WNT10A: variants seen among roughly 807,000 people sequenced by gnomAD.
The protein encoded by WNT10A is Wnt family member 10A, also known as protein Wnt-10a.
In WNT10A, 37 loss-of-function variants were observed where a neutral mutation model predicts 36.1. The observed-to-expected ratio is 1.02, with a 90% CI of 0.79 to 1.35. The LOEUF is 1.35. WNT10A is among the 40% of genes most tolerant of loss of function. The pLI, the probability that WNT10A is intolerant of heterozygous loss-of-function variation, is 0.00. For synonymous variants in WNT10A, 255 were observed against 254.1 expected (o/e 1.00, Z -0.03); for missense variants, 613 against 601.4 (o/e 1.02, Z -0.20).
At chr2:218,877,631 A>G (rs1464875389), upstream of WNT10A, among the ~76,000 whole-genome samples, 1 of 152,184 alleles carries the variant, frequency 6.6e-6, no homozygotes, top group Non-Finnish European at 1.5e-5. The surrounding 1 kb of genome is among the most constrained non-coding windows in gnomAD (Gnocchi z 4.1). Context: ...GTGTGACCAC[A>G]TCAGGAACAG....
At chr2:218,882,616 C>T (rs1944532046) in intron 2 of WNT10A, among the ~76,000 whole-genome samples, 193 bp downstream of exon 2, 1 of 152,212 alleles carries the variant, frequency 6.6e-6, no homozygotes. Flanking sequence ...GCAAATGTGT[C>T]TCCAGACTGG....
chr2:218,889,082 A>C (rs67367269), intron 2 of WNT10A, among the ~76,000 whole-genome samples: 53,271 of 152,014 alleles, frequency 0.35, 13,751 homozygotes, highest in African/African-American at 0.73. Context: ...CTCACACCCA[A>C]CCTTTCCCCA....
Position 218,882,376 on chromosome 2 carries a change from T to C in WNT10A, c.329T>C (p.Leu110Pro), listed in dbSNP as rs1183210495. 6.2e-7 allele frequency: 1 copy of C among 1,614,124 alleles called. No individual in the cohort carries two copies. Among genetic ancestry groups the C allele is most frequent in the Admixed American group, 1.7e-5 (1 of 60,026 alleles). ...GACCAGCGCTGGAACTGCTCAAGCC[T>C]GGAGACTCGCAACAAGATCCCCTAT... ...FRDQRWNCSS[L>P]ETRNKIPYES... Residue 110 changes from leucine to proline, a missense_variant, in exon 2 of 4, where the codon CTG becomes CCG. Coordinates refer to ENST00000258411, the MANE Select transcript of WNT10A (RefSeq NM_025216.3).
chr2:218,882,381 A>G lies in WNT10A; in HGVS notation c.334A>G (p.Thr112Ala), dbSNP rs1383631669. 1.2e-6 allele frequency: 2 copies of G among 1,614,000 alleles called. No homozygotes were observed. Among genetic ancestry groups the G allele is most frequent in the East Asian group, 2.2e-5 (1 of 44,862 alleles). ...GCGCTGGAACTGCTCAAGCCTGGAGACTCGCAACAAGATCCCCTATGAGAG... is the reference window on the plus strand; with the variant it reads ...GCGCTGGAACTGCTCAAGCCTGGAGGCTCGCAACAAGATCCCCTATGAGAG... ...DQRWNCSSLETRNKIPYESPI... is the reference protein window; with the variant it reads ...DQRWNCSSLEARNKIPYESPI... Residue 112 changes from threonine (T) to alanine (A), a missense_variant, in exon 2 of 4, where the codon ACT becomes GCT. Coordinates refer to ENST00000258411, the MANE Select transcript of WNT10A (RefSeq NM_025216.3).
chr2:218,890,508 A>G (rs936302124), intron 3 of WNT10A, 145 bp downstream of exon 3: 4 of 1,221,496 alleles, frequency 3.3e-6, no homozygotes, highest in Non-Finnish European at 4.6e-6. Flanking sequence ...AATTCAACAA[A>G]CATGCACTGA....
At position 218,890,300 on chromosome 2, in the gene WNT10A, C is replaced by T. The variant is rs779406442; in HGVS notation, c.693C>T (p.Ser231=). Residue 231 remains serine (S), a synonymous_variant, in exon 3 of 4, where the codon TCC becomes TCT. Transcript: ENST00000258411. ...GCTTTTCTAAGGACTTTCTGGACTC[C>T]CGGGAGCCTCACAGAGACATCCACG... ...GERFSKDFLD[S]REPHRDIHAR... 2 of 1,605,520 alleles carry T rather than the reference C, an allele frequency of 1.2e-6. No homozygotes were observed. The highest frequency in any genetic ancestry group is 1.1e-5 in the South Asian group (1 of 91,084).
intron 2 of WNT10A, 116 bp from the exon 3 acceptor site, chr2:218,889,868 C>T: frequency 6.5e-7 from 1 of 1,535,862 alleles, no homozygotes; most frequent in Non-Finnish European, 8.9e-7. Context: ...TTCCTTGTGC[C>T]AGACTCTCCT....
upstream of WNT10A, chr2:218,880,662 C>G (rs964551829): frequency 3.7e-6 from 1 of 269,534 alleles, no homozygotes; most frequent in Non-Finnish European, 7.0e-6. The surrounding 1 kb of genome is among the most constrained non-coding windows in gnomAD (Gnocchi z 7.7). Flanking sequence ...CCCAGCCTCC[C>G]GTCCCCAGCC....
intron 2 of WNT10A, among the ~76,000 whole-genome samples, chr2:218,888,733 A>G (rs1023058381): frequency 6.6e-6 from 1 of 152,156 alleles, no homozygotes; most frequent in Non-Finnish European, 1.5e-5. Flanking sequence ...GGAGGATCCT[A>G]TGCTGTGCCT....
In WNT10A at chr2:218,890,051, G is replaced by A. The variant is rs147145554; in HGVS notation, c.444G>A (p.Ala148=). The part of the protein sequence containing the change: ...AAGVVHAVSN[A]CALGKLKACG... Reference sequence around the variant, plus strand: ...GCGTGGTGCACGCCGTGTCCAATGCGTGTGCCCTGGGCAAACTGAAGGCCT... The same window carrying A: ...GCGTGGTGCACGCCGTGTCCAATGCATGTGCCCTGGGCAAACTGAAGGCCT... The change falls in exon 3 of 4, where the codon GCG becomes GCA. Residue 148 remains alanine (A), a synonymous_variant. Transcript: ENST00000258411. 153 of 1,613,912 alleles carry A rather than the reference G, an allele frequency of 9.5e-5. No individual in the cohort carries two copies. Among genetic ancestry groups the A allele is most frequent in the African/African-American group, 1.6e-4 (12 of 74,928 alleles).
chr2:218,883,674 G>T (rs1355353535), intron 2 of WNT10A, among the ~76,000 whole-genome samples: 3 of 150,558 alleles, frequency 2.0e-5, no homozygotes, highest in African/African-American at 7.3e-5. Context: ...GCGGCAGACG[G>T]CTCCCGGCCC....
upstream of WNT10A, among the ~76,000 whole-genome samples, chr2:218,877,061 G>A (rs1049318172): frequency 1.1e-4 from 16 of 152,290 alleles, no homozygotes; most frequent in African/African-American, 3.4e-4. The surrounding 1 kb of genome is among the most constrained non-coding windows in gnomAD (Gnocchi z 4.1). Flanking sequence ...GGAAGATGCT[G>A]GACATCTTCC....
upstream of WNT10A, chr2:218,880,346 A>C (rs1380867851): frequency 6.6e-6 from 1 of 151,846 alleles, no homozygotes; most frequent in Non-Finnish European, 1.5e-5. This position sits in a 1 kb window ranked among gnomAD's most constrained non-coding sequence, Gnocchi z 7.7. Flanking sequence ...AGACCCCAAC[A>C]CCTTTCCCTC....
At position 218,889,963 on chromosome 2, in the gene WNT10A, G is replaced by A. The variant is rs780892789; in HGVS notation, c.377-21G>A. 7.4e-6 allele frequency: 12 copies of A among 1,611,850 alleles called. No individual in the cohort carries two copies. The South Asian group carries it at 9.9e-5, about 13-fold the overall frequency. On this transcript the variant is annotated intron_variant, in intron 2 of 3. Transcript: ENST00000258411. ...GTCAAGGCCCCTCCAGAGTCCATGTGTTCTGGGTCTTTAACCACAGGTTTC... is the reference window on the plus strand; with the variant it reads ...GTCAAGGCCCCTCCAGAGTCCATGTATTCTGGGTCTTTAACCACAGGTTTC...
Position 218,892,938 on chromosome 2 carries a change from C to T in WNT10A, c.921C>T (p.Gly307=). Residue 307 remains glycine, a synonymous_variant, in exon 4 of 4, where the codon GGC becomes GGT. Transcript: ENST00000258411. ...TCATCCGGCCGCACAACCGCAACGG[C>T]GGCCAGCTGGAGCCGGGCCCAGCGG... ...ATLIRPHNRN[G]GQLEPGPAGA... 1 of 1,476,142 alleles carries T rather than the reference C, an allele frequency of 6.8e-7. No individual in the cohort carries two copies. Among genetic ancestry groups the T allele is most frequent in the South Asian group, 1.3e-5 (1 of 76,604 alleles). The allele number at this position is 1,476,142 out of a possible 1,614,324, so 91.4% of individuals were successfully genotyped here.
Position 218,893,324 on chromosome 2 carries a change from C to T in WNT10A, c.*53C>T. The stretch of plus-strand genomic sequence containing the variant: ...CGAGGTCCCCTCCTGGAGCCTGGCC[C>T]TCTGAGGCTTACGGTCTTGGCAAGG... On this transcript the variant is annotated 3_prime_UTR_variant, in exon 4 of 4. Coordinates refer to ENST00000258411, the MANE Select transcript of WNT10A (RefSeq NM_025216.3). The surrounding 1 kb of genome is among the most constrained non-coding windows in gnomAD (Gnocchi z 6.3). The T allele has an allele frequency of 6.6e-7, 1 of 1,514,498 alleles. No homozygotes were observed. Among genetic ancestry groups the T allele is most frequent in the Non-Finnish European group, 8.8e-7 (1 of 1,134,958 alleles). 93.8% of individuals were successfully genotyped at this position (1,514,498 alleles called of 1,614,324 possible).
At chr2:218,879,062 A>G (rs1405464382), upstream of WNT10A, among the ~76,000 whole-genome samples, 1 of 150,194 alleles carries the variant, frequency 6.7e-6, no homozygotes, top group East Asian at 2.0e-4. Context: ...GTCCAGCCAG[A>G]CTGCTCCCCC....
chr2:218,882,545 T>A, intron 2 of WNT10A, 122 bp downstream of exon 2: 1 of 1,291,932 alleles, frequency 7.7e-7, no homozygotes, highest in Non-Finnish European at 1.1e-6. Flanking sequence ...CACACCCATC[T>A]GTTGGCCCTG....
chr2:218,891,308 T>A (rs1359290247), intron 3 of WNT10A, among the ~76,000 whole-genome samples: 1 of 152,220 alleles, frequency 6.6e-6, no homozygotes, highest in East Asian at 1.9e-4. Context: ...CTCAGCACTG[T>A]CCTTTCCTGA....
Sources: allele counts gnomAD v4.1 joint callset (sites outside exome capture counted in the v4.1 genomes callset), GRCh38; gene constraint gnomAD v4.1.1; non-coding constraint Gnocchi (gnomAD v3.1); transcripts MANE v1.5; gene names NCBI Gene and HGNC (gene_info 2026-07-23, HGNC 2026-07-21).